MAN2B2: variants seen among roughly 807,000 people sequenced by gnomAD.
MAN2B2 encodes mannosidase alpha class 2B member 2, also known as epididymis-specific alpha-mannosidase.
A neutral mutation model predicts 117.1 loss-of-function variants in MAN2B2; 106 were observed. The observed-to-expected ratio is 0.90, with a 90% CI of 0.77 to 1.06. MAN2B2 has a LOEUF of 1.06. MAN2B2 is among the 50% of genes least tolerant of loss of function. The probability of loss-of-function intolerance (pLI) is 0.00; values close to 1 mark genes in which losing one functional copy is unlikely to be tolerated. For synonymous variants in MAN2B2, 544 were observed against 595.1 expected, an observed-to-expected ratio of 0.91 and a Z score of 1.25; for missense variants, 1,326 against 1,381.4, an observed-to-expected ratio of 0.96 and a Z score of 0.64.
chr4:6,579,350 CACCACCACCAT>C (rs1193978848), intron 3 of MAN2B2, among the ~76,000 whole-genome samples: 5 of 126,140 alleles, frequency 4.0e-5, no homozygotes, highest in African/African-American at 1.4e-4. Context: ...CCATCACCAT[CACCACCACCAT>C]CACCATCACC....
At position 6,610,889 on chromosome 4, in the gene MAN2B2, C is replaced by T. The variant is rs775943569; in HGVS notation, c.2269C>T (p.Pro757Ser). 19 of 1,614,040 alleles carry T rather than the reference C, an allele frequency of 1.2e-5. No individual in the cohort carries two copies. The East Asian group carries it at 4.2e-4, about 36-fold the overall frequency. The change falls in exon 14 of 19, where the codon CCC (proline) becomes TCC (serine). Residue 757 changes from proline to serine, a missense_variant. By Grantham distance (74) the Pro-to-Ser change is moderately conservative. Coordinates refer to ENST00000285599, the MANE Select transcript of MAN2B2 (RefSeq NM_015274.3). The part of the protein sequence containing the change: ...VNNSIARNYY[P>S]MVQSAFMEDG... The stretch of plus-strand genomic sequence containing the variant: ...ATGTTTCTGTCTGCAGAATTACTAC[C>T]CCATGGTTCAGTCGGCCTTCATGGA...
chr4:6,616,595 G>C (rs1232592465), intron 16 of MAN2B2, among the ~76,000 whole-genome samples: 1 of 152,180 alleles, frequency 6.6e-6, no homozygotes, highest in East Asian at 1.9e-4. Flanking sequence ...GCTTCTGCCG[G>C]GAAGTACTGC....
chr4:6,593,681 G>A (rs1335415401), intron 6 of MAN2B2, among the ~76,000 whole-genome samples: 1 of 152,246 alleles, frequency 6.6e-6, no homozygotes, highest in South Asian at 2.1e-4. Context: ...GGGGATGGTG[G>A]CAGCAGGCTT....
intron 3 of MAN2B2, among the ~76,000 whole-genome samples, chr4:6,579,087 T>TCAG (rs1726213247): frequency 3.4e-5 from 1 of 29,470 alleles, no homozygotes; most frequent in Non-Finnish European, 7.1e-5. Flanking sequence ...ACCACCACCA[T>TCAG]CACCATCACC....
In MAN2B2 at chr4:6,605,060, G is replaced by C. The variant is rs767568034; in HGVS notation, c.1545G>C (p.Gln515His). ...EAGHPVPSQI[Q>H]NSTETPSAYD... ...TCATCCTGCTGGCCTTGCAGATCCA[G>C]AACTCAACAGAGACCCCATCTGCGT... The change falls in exon 11 of 19, where the codon CAG becomes CAC. Residue 515 changes from glutamine (Q) to histidine (H), a missense_variant. Gln to His is a conservative substitution (Grantham distance 24). Coordinates refer to ENST00000285599, the MANE Select transcript of MAN2B2 (RefSeq NM_015274.3). 1.2e-6 allele frequency: 2 copies of C among 1,610,822 alleles called. No individual in the cohort carries two copies. Among genetic ancestry groups the C allele is most frequent in the Non-Finnish European group, 1.7e-6 (2 of 1,177,412 alleles).
chr4:6,599,726 G>GTACT (rs1469245854), intron 9 of MAN2B2, among the ~76,000 whole-genome samples: 1 of 150,880 alleles, frequency 6.6e-6, no homozygotes, highest in Non-Finnish European at 1.5e-5. Flanking sequence ...TGGCTGCCTT[G>GTACT]TACTTCTTGG....
At chr4:6,598,119 C>CG (rs1727173492) in intron 8 of MAN2B2, 79 bp from the exon 9 acceptor site, 1 of 1,487,700 alleles carries the variant, frequency 6.7e-7, no homozygotes, top group African/African-American at 1.4e-5. Flanking sequence ...TGAGAGCCAG[C>CG]GCCTAGTAGG....
chr4:6,601,555 G>A (rs570050799), intron 10 of MAN2B2, among the ~76,000 whole-genome samples: 3 of 139,358 alleles, frequency 2.2e-5, no homozygotes, highest in Non-Finnish European at 4.9e-5. Flanking sequence ...GGGAGCACTG[G>A]TGAGGTGGAA....
chr4:6,602,569 G>A (rs1352299638), intron 10 of MAN2B2, among the ~76,000 whole-genome samples: 2 of 152,158 alleles, frequency 1.3e-5, no homozygotes, highest in African/African-American at 4.8e-5. Context: ...CATTCAGTCC[G>A]TGGCATCACT....
At chr4:6,608,201 C>A (rs1270940472) in intron 11 of MAN2B2, among the ~76,000 whole-genome samples, 2 of 152,140 alleles carry the variant, frequency 1.3e-5, no homozygotes, top group African/African-American at 4.8e-5. Flanking sequence ...TTTTGATGGC[C>A]CCTGGGGGAG....
chr4:6,607,601 A>G (rs964318726), intron 11 of MAN2B2, among the ~76,000 whole-genome samples: 20 of 152,208 alleles, frequency 1.3e-4, no homozygotes, highest in Non-Finnish European at 2.8e-4. Flanking sequence ...CATCGCATGT[A>G]TGTACCATAT....
intron 16 of MAN2B2, among the ~76,000 whole-genome samples, chr4:6,616,857 T>G (rs1470387118): frequency 6.6e-6 from 1 of 152,126 alleles, no homozygotes. Flanking sequence ...CTCTGAGCCT[T>G]GGTTTCCTTG....
In MAN2B2 at chr4:6,593,210, A is replaced by C. The variant is rs764171474; in HGVS notation, c.718A>C (p.Lys240Gln). 3.7e-5 allele frequency: 59 copies of C among 1,613,680 alleles called. No homozygotes were observed. The East Asian group carries it at 1.2e-3, about 32-fold the overall frequency. The change falls in exon 6 of 19, where the codon AAG becomes CAG. Residue 240 changes from lysine to glutamine, a missense_variant. Physicochemically the swap from Lys to Gln is moderately conservative, Grantham distance 53. Coordinates refer to ENST00000285599, the MANE Select transcript of MAN2B2 (RefSeq NM_015274.3). ...FYWNGVAVFP[K>Q]PPQDGVYPNM... ...CTGGAATGGCGTGGCTGTCTTCCCC[A>C]AGCCTCCCCAAGATGGGGTGTACCC...
At chr4:6,609,667 G>A (rs1727689197) in intron 12 of MAN2B2, 131 bp from the exon 13 acceptor site, 7 of 1,180,118 alleles carry the variant, frequency 5.9e-6, no homozygotes, top group Non-Finnish European at 8.4e-6. Flanking sequence ...TGTCCACATG[G>A]CCCAAGAAGG....
At chr4:6,592,482 G>C (rs1023072354) in intron 5 of MAN2B2, among the ~76,000 whole-genome samples, 1 of 152,194 alleles carries the variant, frequency 6.6e-6, no homozygotes, top group East Asian at 1.9e-4. Flanking sequence ...AGTCGAGCAT[G>C]GTGGTAGTCC....
At chr4:6,620,453 C>T (rs565733597) in intron 18 of MAN2B2, 38 of 202,852 alleles carry the variant, frequency 1.9e-4, no homozygotes, top group African/African-American at 4.6e-4. Context: ...ACTCCCTGTC[C>T]GCACCATGCC....
At chr4:6,603,498 G>A (rs1243716585) in intron 10 of MAN2B2, among the ~76,000 whole-genome samples, 1 of 152,172 alleles carries the variant, frequency 6.6e-6, no homozygotes, top group South Asian at 2.1e-4. Flanking sequence ...AGCACAGGGA[G>A]AGGCGAAGGG....
At chr4:6,588,651 G>T (rs1019968106) in intron 4 of MAN2B2, among the ~76,000 whole-genome samples, 2 of 152,106 alleles carry the variant, frequency 1.3e-5, no homozygotes, top group Non-Finnish European at 2.9e-5. Context: ...GGAGGTGAAG[G>T]TTTCAGTGAG....
chr4:6,591,165 G>A (rs368225409), intron 5 of MAN2B2, among the ~76,000 whole-genome samples: 4 of 152,136 alleles, frequency 2.6e-5, no homozygotes, highest in Admixed American at 2.6e-4. Context: ...AAAAAAGAAG[G>A]CTGGAGGAGT....
Sources: gnomAD v4.1 joint callset for allele counts (sites outside exome capture counted in the v4.1 genomes callset) on GRCh38, gnomAD v4.1.1 for gene constraint, MANE v1.5 for transcripts, NCBI Gene and HGNC (gene_info 2026-07-23, HGNC 2026-07-21) for gene names.